LRRC4C: variants seen among roughly 807,000 people sequenced by gnomAD.
LRRC4C encodes leucine rich repeat containing 4C.
A neutral mutation model predicts 33.6 loss-of-function variants in LRRC4C; 5 were observed. That is an observed-to-expected ratio of 0.15 (90% CI 0.08 to 0.31). The LOEUF (loss-of-function observed/expected upper bound fraction) is 0.31, where lower values mean the gene tolerates loss of function less well. Ranked by LOEUF, LRRC4C falls within the 10% of genes least tolerant of loss-of-function variation. LRRC4C has a pLI of 1.00. For missense variants in LRRC4C, 560 were observed against 796.7 expected (o/e 0.70, Z 3.58); for synonymous variants, 329 against 302.0 (o/e 1.09, Z -0.93).
chr11:41,453,590 G>A (rs950536151), intron 1 of LRRC4C, among the ~76,000 whole-genome samples: 1 of 151,706 alleles, frequency 6.6e-6, no homozygotes, highest in African/African-American at 2.4e-5. Flanking sequence ...AGAATTTGGG[G>A]CAAATAAATC....
chr11:40,534,901 A>T (rs566313954), intron 3 of LRRC4C, among the ~76,000 whole-genome samples: 7 of 152,308 alleles, frequency 4.6e-5, no homozygotes, highest in South Asian at 2.1e-4. Context: ...CAGTAAAAAC[A>T]AAGAGGAGAA....
chr11:40,946,176 G>A (rs1308698082), intron 1 of LRRC4C, among the ~76,000 whole-genome samples: 1 of 152,122 alleles, frequency 6.6e-6, no homozygotes, highest in East Asian at 1.9e-4. Context: ...TTAGAAGTGA[G>A]GAAGTGCAGT....
At chr11:41,431,384 C>G (rs1488531880) in intron 1 of LRRC4C, among the ~76,000 whole-genome samples, 2 of 151,822 alleles carry the variant, frequency 1.3e-5, no homozygotes, top group East Asian at 3.9e-4. Flanking sequence ...AGAAAGAGAT[C>G]TTCCTTCCTT....
At chr11:40,761,926 C>T (rs962249969) in intron 2 of LRRC4C, among the ~76,000 whole-genome samples, 33 of 152,228 alleles carry the variant, frequency 2.2e-4, no homozygotes, top group African/African-American at 7.2e-4. Context: ...AAGCAGTATA[C>T]TACCATTTTA....
chr11:41,214,706 C>G (rs893297269), intron 1 of LRRC4C, among the ~76,000 whole-genome samples: 1 of 147,824 alleles, frequency 6.8e-6, no homozygotes, highest in Non-Finnish European at 1.5e-5. Flanking sequence ...GCCGAGATCA[C>G]GCCACTGCAC....
intron 3 of LRRC4C, among the ~76,000 whole-genome samples, chr11:40,556,705 A>G (rs1231026137): frequency 6.6e-6 from 1 of 152,204 alleles, no homozygotes; most frequent in Non-Finnish European, 1.5e-5. Flanking sequence ...ACCACAGCCA[A>G]AGCAAAATTA....
chr11:40,576,777 C>T (rs926503543), intron 3 of LRRC4C, among the ~76,000 whole-genome samples: 1 of 152,150 alleles, frequency 6.6e-6, no homozygotes, highest in African/African-American at 2.4e-5. Context: ...CTGTTAATCT[C>T]TCTTGTTTGA....
At chr11:40,986,055 T>C (rs1417666816) in intron 1 of LRRC4C, among the ~76,000 whole-genome samples, 3 of 152,162 alleles carry the variant, frequency 2.0e-5, no homozygotes, top group Non-Finnish European at 2.9e-5. Context: ...TGAGTAAAAC[T>C]AGTGAATCTA....
intron 1 of LRRC4C, among the ~76,000 whole-genome samples, chr11:41,133,608 C>CT (rs1279925726): frequency 6.6e-6 from 1 of 151,668 alleles, no homozygotes; most frequent in Non-Finnish European, 1.5e-5. Context: ...ACTCCCTCCA[C>CT]TTTAGAGTTT....
intron 5 of LRRC4C, among the ~76,000 whole-genome samples, chr11:40,156,567 A>G (rs1334243687): frequency 1.3e-5 from 2 of 152,134 alleles, no homozygotes; most frequent in East Asian, 3.9e-4. Flanking sequence ...CCAAGCAGAG[A>G]ATCAAATCAA....
chr11:41,079,003 T>C (rs945319216), intron 1 of LRRC4C, among the ~76,000 whole-genome samples: 1 of 152,132 alleles, frequency 6.6e-6, no homozygotes, highest in Admixed American at 6.5e-5. Flanking sequence ...TCATCCAGAG[T>C]AATACTGTCA....
At chr11:40,725,087 A>C (rs73471342) in intron 2 of LRRC4C, among the ~76,000 whole-genome samples, 1 of 152,174 alleles carries the variant, frequency 6.6e-6, no homozygotes, top group East Asian at 1.9e-4. Flanking sequence ...CTAACCATAA[A>C]GGAAGAGCAT....
chr11:40,200,549 G>A (rs1487697357), intron 5 of LRRC4C, among the ~76,000 whole-genome samples: 1 of 151,954 alleles, frequency 6.6e-6, no homozygotes, highest in African/African-American at 2.4e-5. Context: ...TGGGCCATAA[G>A]ATCTTCATGT....
At chr11:40,764,175 C>A (rs1411702058) in intron 2 of LRRC4C, among the ~76,000 whole-genome samples, 2 of 151,894 alleles carry the variant, frequency 1.3e-5, no homozygotes, top group East Asian at 1.9e-4. Context: ...CATTCCAGGC[C>A]CTAGCTCCTG....
chr11:41,151,015 AACACACACACACACACAG>A (rs1366389076), intron 1 of LRRC4C, among the ~76,000 whole-genome samples: 2 of 150,404 alleles, frequency 1.3e-5, no homozygotes, highest in Admixed American at 6.6e-5. Context: ...TGCTCCCTGC[AACACACACACACACACAG>A]ACACACACAC....
chr11:41,022,650 G>T (rs2137696625), intron 1 of LRRC4C, among the ~76,000 whole-genome samples: 1 of 152,000 alleles, frequency 6.6e-6, no homozygotes, highest in East Asian at 1.9e-4. Context: ...TGTACATGTG[G>T]GTAACCTGTC....
chr11:40,331,868 T>C (rs1946378610), intron 3 of LRRC4C, among the ~76,000 whole-genome samples: 1 of 152,172 alleles, frequency 6.6e-6, no homozygotes, highest in Admixed American at 6.5e-5. Flanking sequence ...TTGTGGTACT[T>C]CATAGTTTCC....
intron 2 of LRRC4C, among the ~76,000 whole-genome samples, chr11:40,719,317 C>A (rs1193832214): frequency 6.6e-6 from 1 of 152,152 alleles, no homozygotes; most frequent in African/African-American, 2.4e-5. Flanking sequence ...TAATTCTAGT[C>A]TTCTAAGAGA....
chr11:41,296,985 T>C (rs1442136568), intron 1 of LRRC4C, among the ~76,000 whole-genome samples: 4 of 152,180 alleles, frequency 2.6e-5, no homozygotes, highest in African/African-American at 7.2e-5. Flanking sequence ...AGTTTCCCAT[T>C]TTATTCCATT....
Sources: gnomAD v4.1 joint callset for allele counts (sites outside exome capture counted in the v4.1 genomes callset) on GRCh38, gnomAD v4.1.1 for gene constraint, MANE v1.5 for transcripts, NCBI Gene and HGNC (gene_info 2026-07-23, HGNC 2026-07-21) for gene names.